The following MFGE8 variants were observed in gnomAD, a reference collection of about 807,000 sequenced individuals.
The protein encoded by MFGE8 is lactadherin.
A neutral mutation model predicts 42.6 loss-of-function variants in MFGE8; 34 were observed. The ratio of observed to expected loss-of-function variants is 0.80; its 90% CI spans 0.61 to 1.06. MFGE8 has a LOEUF of 1.06. Ranked by LOEUF, MFGE8 falls within the 50% of genes least tolerant of loss-of-function variation. MFGE8 has a pLI of 0.00. For synonymous variants in MFGE8, 230 were observed against 214.8 expected (o/e 1.07, Z -0.62); for missense variants, 510 against 516.9 (o/e 0.99, Z 0.13).
At position 88,899,878 on chromosome 15, in the gene MFGE8, A is replaced by G. The variant is rs1898279484; in HGVS notation, c.871-67T>C. 1 of 1,583,242 alleles carries G rather than the reference A, an allele frequency of 6.3e-7. No homozygotes were observed. The highest frequency in any genetic ancestry group is 8.7e-7 in the Non-Finnish European group (1 of 1,154,390). On this transcript the variant is annotated intron_variant, in intron 6 of 7. Transcript: ENST00000268150. The surrounding 1 kb of genome is among the most constrained non-coding windows in gnomAD (Gnocchi z 6.8). ...TCCAGTAAGGTGAAAAGAGGCAGAC[A>G]CACTGAGGCATGAATTCTAGTTTTG...
intron 1 of MFGE8, 111 bp downstream of exon 1, chr15:88,913,136 G>A (rs1263160278): frequency 2.2e-6 from 3 of 1,391,742 alleles, no homozygotes; most frequent in East Asian, 3.0e-5. Flanking sequence ...CCCGGTCCCC[G>A]GGGCTTTGTC....
intron 1 of MFGE8, chr15:88,913,010 G>T: frequency 1.0e-6 from 1 of 985,456 alleles, no homozygotes; most frequent in African/African-American, 1.7e-5. Context: ...CCTGGGGGCG[G>T]CAGGGCTGTC....
Position 88,901,594 on chromosome 15 carries a change from T to G in MFGE8, c.827A>C (p.Asn276Thr). 1 of 1,485,984 alleles carries G rather than the reference T, an allele frequency of 6.7e-7. No individual in the cohort carries two copies. The highest frequency in any genetic ancestry group is 9.1e-7 in the Non-Finnish European group (1 of 1,099,562). 92.0% of individuals were successfully genotyped at this position (1,485,984 alleles called of 1,614,324 possible). A position where few individuals can be genotyped will look rare whatever the true frequency, so the allele number is the denominator to read the frequency against. The change falls in exon 6 of 8, where the codon AAC becomes ACC. Residue 276 changes from asparagine (N) to threonine (T), a missense_variant. By Grantham distance (65) the Asn-to-Thr change is moderately conservative. Transcript: ENST00000268150. ...YARLDKQGNF[N>T]AWVAGSYGND... ...ACCGTAGCTCCCCGCAACCCAGGCGTTGAAGTTGCCCTGCTTGTCCAGCCG... is the reference window on the plus strand; with the variant it reads ...ACCGTAGCTCCCCGCAACCCAGGCGGTGAAGTTGCCCTGCTTGTCCAGCCG...
chr15:88,909,828 A>G lies in MFGE8; in HGVS notation c.169T>C (p.Cys57Arg), dbSNP rs1339466730. The G allele has an allele frequency of 1.2e-6, 2 of 1,614,250 alleles. No homozygotes were observed. Among genetic ancestry groups the G allele is most frequent in the Admixed American group, 3.3e-5 (2 of 60,030 alleles). ...GDVFPSYTCT[C>R]LKGYAGNHCE... ...TGGTTGCCCGCGTAGCCCTTAAGGC[A>G]CGTGCAGGTGTACGAGGGGAAGACA... Residue 57 changes from cysteine (C) to arginine (R), a missense_variant, in exon 2 of 8, where the codon TGC becomes CGC. Physicochemically the swap from Cys to Arg is radical, Grantham distance 180. Transcript: ENST00000268150.
Position 88,906,704 on chromosome 15 carries a change from G to A in MFGE8, c.462C>T (p.Tyr154=). 5 of 1,613,862 alleles carry A rather than the reference G, an allele frequency of 3.1e-6. No homozygotes were observed. Among genetic ancestry groups the A allele is most frequent in the Non-Finnish European group, 4.2e-6 (5 of 1,179,924 alleles). ...QGASRLASHE[Y]LKAFKVAYSL... is the part of the protein sequence containing the mutation. Reference sequence around the variant, plus strand: ...TGTAGGCCACCTTGAAGGCCTTCAGGTACTCATGACTGGCCAAGCGGCTGG... The same window carrying A: ...TGTAGGCCACCTTGAAGGCCTTCAGATACTCATGACTGGCCAAGCGGCTGG... Residue 154 remains tyrosine (Y), a synonymous_variant, in exon 4 of 8, where the codon TAC becomes TAT. Transcript: ENST00000268150. This position sits in a 1 kb window ranked among gnomAD's most constrained non-coding sequence, Gnocchi z 4.2.
In MFGE8 at chr15:88,913,032, C is replaced by T. The variant is rs1046491324; in HGVS notation, c.73+215G>A. 4.1e-6 allele frequency: 4 copies of T among 985,286 alleles called. No homozygotes were observed. In the African/African-American group the frequency reaches 7.0e-5, roughly 17 times the overall value. The allele number at this position is 985,286 out of a possible 1,614,324, so 61.0% of individuals were successfully genotyped here. ...GCGGCAGGGCTGTCACCCGATGTCC[C>T]GAGTCCCAGCCCAAAAGCCCCAGCG... On this transcript the variant is annotated intron_variant, in intron 1 of 7. Transcript: ENST00000268150.
intron 6 of MFGE8, among the ~76,000 whole-genome samples, chr15:88,900,185 T>C (rs1217768783): frequency 6.9e-6 from 1 of 145,426 alleles, no homozygotes; most frequent in African/African-American, 2.6e-5. Flanking sequence ...GAGGTTGCGG[T>C]GAGCCGAGAT....
At position 88,905,729 on chromosome 15, in the gene MFGE8, C is replaced by G. The variant is rs768316849; in HGVS notation, c.685+28G>C. ...CACCTCCTAGGATTGGCCAACAGTG[C>G]CCCCCTACCCGCACCCCCAGCACTC... On this transcript the variant is annotated intron_variant, in intron 5 of 7. Transcript: ENST00000268150. This position sits in a 1 kb window ranked among gnomAD's most constrained non-coding sequence, Gnocchi z 6.6. 2 of 1,613,466 alleles carry G rather than the reference C, an allele frequency of 1.2e-6. No individual in the cohort carries two copies. Among genetic ancestry groups the G allele is most frequent in the Admixed American group, 3.3e-5 (2 of 60,006 alleles).
Position 88,905,675 on chromosome 15 carries a change from T to C in MFGE8, c.685+82A>G. 6.3e-7 allele frequency: 1 copy of C among 1,590,304 alleles called. No homozygotes were observed. Among genetic ancestry groups the C allele is most frequent in the African/African-American group, 1.3e-5 (1 of 74,600 alleles). Reference sequence around the variant, plus strand: ...TGTTGCTGCCCTACCTAGCTCAGTTTGGCTGAGAAAAGAGGCAGCAGGGAG... The same window carrying C: ...TGTTGCTGCCCTACCTAGCTCAGTTCGGCTGAGAAAAGAGGCAGCAGGGAG... On this transcript the variant is annotated intron_variant, in intron 5 of 7. Coordinates refer to ENST00000268150, the MANE Select transcript of MFGE8 (RefSeq NM_005928.4). This position sits in a 1 kb window ranked among gnomAD's most constrained non-coding sequence, Gnocchi z 6.6.
rs1284067796 is a variant in MFGE8, at chr15:88,901,155, ACACACATTCACACACATTCT to A, written c.870+376_870+395del. Among the ~76,000 whole-genome samples the A allele has an allele frequency of 1.7e-4, 22 of 130,956 alleles. 1 individual carries two copies. Among genetic ancestry groups the A allele is most frequent in the African/African-American group, 5.9e-4 (21 of 35,856 alleles). The allele number at this position is 130,956 out of a possible 152,430, so 85.9% of individuals were successfully genotyped here. A position where few individuals can be genotyped will look rare whatever the true frequency, so the allele number is the denominator to read the frequency against. On this transcript the variant is annotated intron_variant, in intron 6 of 7. Transcript: ENST00000268150. Reference sequence around the variant, plus strand: ...CACACATTCACACACACATTCTCACACACACATTCACACACATTCTCACACATTCACACACACATTCACAC... The same window carrying A: ...CACACATTCACACACACATTCTCACACACACATTCACACACACATTCACAC...
chr15:88,908,618 G>A (rs886098288), intron 2 of MFGE8, among the ~76,000 whole-genome samples: 6 of 152,164 alleles, frequency 3.9e-5, no homozygotes, highest in African/African-American at 1.4e-4. Context: ...GAAGCTAGAA[G>A]TCAAGGTGGG....
rs5814347 is a variant in MFGE8, at chr15:88,900,243, GAAAA to G, written c.871-436_871-433del. The stretch of plus-strand genomic sequence containing the variant: ...GGTGACAGAGCAAGGCTCTGTCTCA[GAAAA>G]AAAAAAAAAAAAAGCGGTGAGGGGG... On this transcript the variant is annotated intron_variant, in intron 6 of 7. Coordinates refer to ENST00000268150, the MANE Select transcript of MFGE8 (RefSeq NM_005928.4). 2.5e-3 allele frequency among the ~76,000 whole-genome samples: 271 copies of G among 106,954 alleles called. 3 individuals are homozygous for G. The highest frequency in any genetic ancestry group is 0.016 in the Admixed American group (176 of 10,958). The allele number at this position is 106,954 out of a possible 152,430, so 70.2% of individuals were successfully genotyped here. A position where few individuals can be genotyped will look rare whatever the true frequency, so the allele number is the denominator to read the frequency against.
intron 2 of MFGE8, 29 bp from the exon 3 acceptor site, chr15:88,907,405 G>C: frequency 6.2e-7 from 1 of 1,610,262 alleles, no homozygotes; most frequent in East Asian, 2.2e-5. Flanking sequence ...CAGTCAGGTG[G>C]CTACCCCAGC....
In MFGE8 at chr15:88,913,351, G is replaced by T; in HGVS notation, c.-32C>A. Reference sequence around the variant, plus strand: ...GGGACGCGGGCGCTGGAATGGGCACGCTGGGCTGCTCAGACCCCGCGGGGT... The same window carrying T: ...GGGACGCGGGCGCTGGAATGGGCACTCTGGGCTGCTCAGACCCCGCGGGGT... On this transcript the variant is annotated 5_prime_UTR_variant, in exon 1 of 8. Transcript: ENST00000268150. The T allele has an allele frequency of 1.8e-5, 26 of 1,407,850 alleles. No homozygotes were observed. Among genetic ancestry groups the T allele is most frequent in the Non-Finnish European group, 2.4e-5 (26 of 1,088,866 alleles). The allele number at this position is 1,407,850 out of a possible 1,614,324, so 87.2% of individuals were successfully genotyped here. A position where few individuals can be genotyped will look rare whatever the true frequency, so the allele number is the denominator to read the frequency against.
Position 88,905,691 on chromosome 15 carries a change from C to G in MFGE8, c.685+66G>C. 1.2e-6 allele frequency: 2 copies of G among 1,605,684 alleles called. No individual in the cohort carries two copies. Among genetic ancestry groups the G allele is most frequent in the Non-Finnish European group, 1.7e-6 (2 of 1,174,392 alleles). On this transcript the variant is annotated intron_variant, in intron 5 of 7. Transcript: ENST00000268150. The surrounding 1 kb of genome is among the most constrained non-coding windows in gnomAD (Gnocchi z 6.6). ...AGCTCAGTTTGGCTGAGAAAAGAGG[C>G]AGCAGGGAGGGCCACCTCCTAGGAT... is the stretch of plus-strand genomic sequence containing the variant.
intron 6 of MFGE8, among the ~76,000 whole-genome samples, chr15:88,901,240 CAT>C (rs1898398793): frequency 1.0e-5 from 1 of 98,698 alleles, no homozygotes; most frequent in African/African-American, 3.2e-5. Flanking sequence ...TTCACACACA[CAT>C]TCACACGCAC....
chr15:88,900,884 C>A (rs1182154878), intron 6 of MFGE8: 1 of 321,350 alleles, frequency 3.1e-6, no homozygotes, highest in African/African-American at 2.4e-5. Flanking sequence ...CTTCCGCCTC[C>A]GCCCTGCTGT....
chr15:88,908,611 G>C (rs930556892), intron 2 of MFGE8, among the ~76,000 whole-genome samples: 4 of 152,162 alleles, frequency 2.6e-5, no homozygotes, highest in Non-Finnish European at 4.4e-5. Flanking sequence ...AGGCCCAGAA[G>C]CTAGAAGTCA....
chr15:88,900,984 C>CATTCACACACACATTCACACATAT (rs1377164427), intron 6 of MFGE8, among the ~76,000 whole-genome samples: 1 of 67,192 alleles, frequency 1.5e-5, no homozygotes, highest in South Asian at 4.7e-4. Context: ...TTCACACACA[C>CATTCACACACACATTCACACATAT]ACATTCACAC....
Sources: gnomAD v4.1 joint callset for allele counts (sites outside exome capture counted in the v4.1 genomes callset) on GRCh38, gnomAD v4.1.1 for gene constraint, Gnocchi (gnomAD v3.1) non-coding constraint, MANE v1.5 for transcripts, NCBI Gene and HGNC (gene_info 2026-07-23, HGNC 2026-07-21) for gene names.